PCDHGB5: variants seen among roughly 807,000 people sequenced by gnomAD.
The protein encoded by PCDHGB5 is protocadherin gamma subfamily B, 5.
In PCDHGB5, 48 loss-of-function variants were observed where a neutral mutation model predicts 62.9. That is an observed-to-expected ratio of 0.76 (90% CI 0.61 to 0.97). The LOEUF (loss-of-function observed/expected upper bound fraction) is 0.97. Ranked by LOEUF, PCDHGB5 falls within the 50% of genes least tolerant of loss-of-function variation. The pLI, the probability that PCDHGB5 is intolerant of heterozygous loss-of-function variation, is 0.00. For synonymous variants in PCDHGB5, 474 were observed against 511.2 expected, an observed-to-expected ratio of 0.93 and a Z score of 0.98; for missense variants, 1,118 against 1,198.6, an observed-to-expected ratio of 0.93 and a Z score of 0.99.
At position 141,431,421 on chromosome 5, in the gene PCDHGB5, T is replaced by A. The variant is rs2097372202; in HGVS notation, c.2397+30897T>A. On this transcript the variant is annotated intron_variant, in intron 1 of 3. Transcript: ENST00000617380. The surrounding 1 kb of genome is among the most constrained non-coding windows in gnomAD (Gnocchi z 4.8). The stretch of plus-strand genomic sequence containing the variant: ...ACGGCCTCCGACGGGGGCGACCCGG[T>A]GCGCACAGGCACCGCGCGCATCCGC... 1 of 1,613,580 alleles carries A rather than the reference T, an allele frequency of 6.2e-7. No individual in the cohort carries two copies. The highest frequency in any genetic ancestry group is 1.1e-5 in the South Asian group (1 of 91,082).
At chr5:141,418,029 G>A (rs775326655) in intron 1 of PCDHGB5, 1 of 1,614,022 alleles carries the variant, frequency 6.2e-7, no homozygotes, top group Non-Finnish European at 8.5e-7. Context: ...CTAGGGCTTA[G>A]TGTCCTGGAT....
At chr5:141,453,932 C>T (rs57919166) in intron 1 of PCDHGB5, among the ~76,000 whole-genome samples, 2 of 152,296 alleles carry the variant, frequency 1.3e-5, no homozygotes, top group African/African-American at 4.8e-5. Context: ...TCACTGTGTG[C>T]CTATAATTTA....
At position 141,413,842 on chromosome 5, in the gene PCDHGB5, G is replaced by T. The variant is rs1181086477; in HGVS notation, c.2397+13318G>T. 6.2e-6 allele frequency: 10 copies of T among 1,613,176 alleles called. No homozygotes were observed. In the Admixed American group the frequency reaches 1.7e-4, roughly 27 times the overall value. The stretch of plus-strand genomic sequence containing the variant: ...GGTCCTCACCGCCTCCGACGGGGGT[G>T]ACCCTCTCCGATCTGGCACTGTCCT... On this transcript the variant is annotated intron_variant, in intron 1 of 3. Transcript: ENST00000617380.
At chr5:141,467,941 G>A (rs1173095290) in intron 1 of PCDHGB5, among the ~76,000 whole-genome samples, 4 of 151,984 alleles carry the variant, frequency 2.6e-5, no homozygotes, top group Admixed American at 2.6e-4. Context: ...TTACAAGCAT[G>A]AGCCACCACA....
In PCDHGB5 at chr5:141,404,595, T is replaced by C. The variant is rs1035989165; in HGVS notation, c.2397+4071T>C. On this transcript the variant is annotated intron_variant, in intron 1 of 3. Transcript: ENST00000617380. ...CCACCACTTAGCAGCAATGTGTCAT[T>C]GAGACTGTTTGTTTTGGACCAGAAT... is the stretch of plus-strand genomic sequence containing the variant. 44 of 1,613,678 alleles carry C rather than the reference T, an allele frequency of 2.7e-5. No homozygotes were observed. Among genetic ancestry groups the C allele is most frequent in the Non-Finnish European group, 3.6e-5 (43 of 1,179,690 alleles).
intron 1 of PCDHGB5, chr5:141,410,481 G>C: frequency 6.2e-7 from 1 of 1,613,966 alleles, no homozygotes; most frequent in Non-Finnish European, 8.5e-7. Flanking sequence ...GCACATACGG[G>C]TACAAAAGAG....
chr5:141,477,932 C>G lies in PCDHGB5; in HGVS notation c.2398-16875C>G, dbSNP rs1193822505. The G allele has an allele frequency of 3.1e-6, 5 of 1,614,040 alleles. No individual in the cohort carries two copies. The highest frequency in any genetic ancestry group is 4.2e-6 in the Non-Finnish European group (5 of 1,180,042). On this transcript the variant is annotated intron_variant, in intron 1 of 3. Transcript: ENST00000617380. This position sits in a 1 kb window ranked among gnomAD's most constrained non-coding sequence, Gnocchi z 4.9. ...CGCGGATGCAGGGCACAATGCCTGG[C>G]TCTCCTACAGTCTCTTGGGATCCCC... is the stretch of plus-strand genomic sequence containing the variant.
At position 141,490,870 on chromosome 5, in the gene PCDHGB5, T is replaced by C; in HGVS notation, c.2398-3937T>C. Reference sequence around the variant, plus strand: ...GGTTCGAGACTCCGGCTCTCCCCCATTGCATGCCAACACATCTCTGCATGT... The same window carrying C: ...GGTTCGAGACTCCGGCTCTCCCCCACTGCATGCCAACACATCTCTGCATGT... On this transcript the variant is annotated intron_variant, in intron 1 of 3. Coordinates refer to ENST00000617380, the MANE Select transcript of PCDHGB5 (RefSeq NM_018925.3). The surrounding 1 kb of genome is among the most constrained non-coding windows in gnomAD (Gnocchi z 5.4). 6.2e-7 allele frequency: 1 copy of C among 1,613,888 alleles called. No homozygotes were observed. Among genetic ancestry groups the C allele is most frequent in the Non-Finnish European group, 8.5e-7 (1 of 1,179,932 alleles).
Position 141,511,201 on chromosome 5 carries a change from G to A in PCDHGB5, c.*28G>A, listed in dbSNP as rs2099883661. On this transcript the variant is annotated 3_prime_UTR_variant, in exon 4 of 4. Transcript: ENST00000617380. ...TGGAGGCCAGGCCAAGAGCCACAGG[G>A]CGGCCTCTCCCCAACCAGCCCAGCT... 2 of 1,612,600 alleles carry A rather than the reference G, an allele frequency of 1.2e-6. No homozygotes were observed. The highest frequency in any genetic ancestry group is 1.7e-6 in the Non-Finnish European group (2 of 1,179,344).
Position 141,487,373 on chromosome 5 carries a change from C to T in PCDHGB5, c.2398-7434C>T. 2 of 1,614,224 alleles carry T rather than the reference C, an allele frequency of 1.2e-6. No homozygotes were observed. Among genetic ancestry groups the T allele is most frequent in the Non-Finnish European group, 1.7e-6 (2 of 1,180,042 alleles). On this transcript the variant is annotated intron_variant, in intron 1 of 3. Transcript: ENST00000617380. This position sits in a 1 kb window ranked among gnomAD's most constrained non-coding sequence, Gnocchi z 5.0. ...CTTTCCTGCTGGCACCTGTGCCTGTCTCACCAGATCTCGAAGGAGGGAGGG... is the reference window on the plus strand; with the variant it reads ...CTTTCCTGCTGGCACCTGTGCCTGTTTCACCAGATCTCGAAGGAGGGAGGG...
In PCDHGB5 at chr5:141,476,742, G is replaced by C. The variant is rs1015622831; in HGVS notation, c.2398-18065G>C. 8.7e-6 allele frequency: 14 copies of C among 1,613,936 alleles called. No homozygotes were observed. Among genetic ancestry groups the C allele is most frequent in the Non-Finnish European group, 1.1e-5 (13 of 1,180,032 alleles). On this transcript the variant is annotated intron_variant, in intron 1 of 3. Transcript: ENST00000617380. The surrounding 1 kb of genome is among the most constrained non-coding windows in gnomAD (Gnocchi z 7.6). ...GCCCTGGACCGAGAACGGGAGCCTA[G>C]TCTCCAGTTAGTGCTGACGGCGTTG...
rs1247556723 is a variant in PCDHGB5 at position 141,489,841 on chromosome 5, G to A, written c.2398-4966G>A. 6.2e-7 allele frequency: 1 copy of A among 1,614,224 alleles called. No individual in the cohort carries two copies. The highest frequency in any genetic ancestry group is 1.7e-5 in the Admixed American group (1 of 60,032). On this transcript the variant is annotated intron_variant, in intron 1 of 3. Coordinates refer to ENST00000617380, the MANE Select transcript of PCDHGB5 (RefSeq NM_018925.3). The surrounding 1 kb of genome is among the most constrained non-coding windows in gnomAD (Gnocchi z 4.5). Reference sequence around the variant, plus strand: ...AGAGCTGGTGCTAGAGCAGCAGCTGGATCGTGAAGCCCAGGCAAGACATCA... The same window carrying A: ...AGAGCTGGTGCTAGAGCAGCAGCTGAATCGTGAAGCCCAGGCAAGACATCA...
intron 1 of PCDHGB5, among the ~76,000 whole-genome samples, chr5:141,452,299 A>G (rs2098738116): frequency 6.6e-6 from 1 of 152,176 alleles, no homozygotes; most frequent in African/African-American, 2.4e-5. Flanking sequence ...ATAAGAAAAT[A>G]TTAGAGACTC....
chr5:141,419,845 G>A, intron 1 of PCDHGB5: 3 of 1,614,064 alleles, frequency 1.9e-6, no homozygotes, highest in Non-Finnish European at 2.5e-6. Context: ...CGCTGCACCT[G>A]GTGTTCGCAG....
chr5:141,409,850 G>A lies in PCDHGB5; in HGVS notation c.2397+9326G>A. ...GCTCAGCGCCAACGTGAGCCTGCGC[G>A]TGTTGGTGGGAGACCGCAATGACAA... On this transcript the variant is annotated intron_variant, in intron 1 of 3. Transcript: ENST00000617380. 6.2e-7 allele frequency: 1 copy of A among 1,612,142 alleles called. No individual in the cohort carries two copies. Among genetic ancestry groups the A allele is most frequent in the African/African-American group, 1.3e-5 (1 of 75,014 alleles).
intron 1 of PCDHGB5, chr5:141,415,772 T>TA (rs763083459): frequency 1.1e-5 from 15 of 1,332,970 alleles, no homozygotes; most frequent in Non-Finnish European, 1.3e-5. Flanking sequence ...TTTTTTTTTT[T>TA]ACTTTCTGGT....
intron 1 of PCDHGB5, chr5:141,428,021 C>T: frequency 1.2e-6 from 2 of 1,605,604 alleles, no homozygotes; most frequent in Non-Finnish European, 1.7e-6. Context: ...TGCCACGCGC[C>T]GCAGAGTCCG....
In PCDHGB5 at chr5:141,489,720, G is replaced by A. The variant is rs560729125; in HGVS notation, c.2398-5087G>A. ...TCCCACTGGACAGTGCCCAGGATCC[G>A]GATGTGGGCACCAATACTGTGAGCT... On this transcript the variant is annotated intron_variant, in intron 1 of 3. Transcript: ENST00000617380. The surrounding 1 kb of genome is among the most constrained non-coding windows in gnomAD (Gnocchi z 4.5). The A allele has an allele frequency of 3.2e-5, 51 of 1,614,200 alleles. No individual in the cohort carries two copies. The highest frequency in any genetic ancestry group is 9.3e-5 in the African/African-American group (7 of 75,048).
chr5:141,478,096 T>C (rs749277013), intron 1 of PCDHGB5: 1 of 1,614,074 alleles, frequency 6.2e-7, no homozygotes, highest in South Asian at 1.1e-5. Context: ...CCACCACTGC[T>C]ACCCTCACTG....
Sources: gnomAD v4.1 joint callset for allele counts (sites outside exome capture counted in the v4.1 genomes callset) on GRCh38, gnomAD v4.1.1 for gene constraint, Gnocchi (gnomAD v3.1) non-coding constraint, MANE v1.5 for transcripts, NCBI Gene and HGNC (gene_info 2026-07-23, HGNC 2026-07-21) for gene names.